HS6ST3: variants seen among roughly 807,000 people sequenced by gnomAD.
HS6ST3 encodes heparan sulfate 6-O-sulfotransferase 3, also known as heparan-sulfate 6-O-sulfotransferase 3.
HS6ST3 carries 12 observed loss-of-function variants against 36.7 expected under a neutral mutation model. The ratio of observed to expected loss-of-function variants is 0.33; its 90% CI spans 0.21 to 0.53. The LOEUF is 0.53. Among genes scored for constraint, HS6ST3 ranks in the 20% least tolerant of loss-of-function variants. The probability of loss-of-function intolerance (pLI) is 0.95; values close to 1 mark genes in which losing one functional copy is unlikely to be tolerated. For synonymous variants in HS6ST3, 240 were observed against 257.5 expected, an observed-to-expected ratio of 0.93 and a Z score of 0.65; for missense variants, 584 against 640.9, an observed-to-expected ratio of 0.91 and a Z score of 0.96.
intron 1 of HS6ST3, among the ~76,000 whole-genome samples, chr13:96,453,403 T>C (rs890673165): frequency 4.6e-5 from 7 of 152,094 alleles, no homozygotes; most frequent in Non-Finnish European, 7.4e-5. Context: ...TGTGTACACA[T>C]TGTTTGCTAT....
chr13:96,490,822 A>G (rs1302885443), intron 1 of HS6ST3, among the ~76,000 whole-genome samples: 1 of 152,208 alleles, frequency 6.6e-6, no homozygotes, highest in Non-Finnish European at 1.5e-5. Context: ...TGGTTCTATT[A>G]TTGTATTACC....
At chr13:96,245,470 C>T (rs1030385221) in intron 1 of HS6ST3, among the ~76,000 whole-genome samples, 1 of 152,158 alleles carries the variant, frequency 6.6e-6, no homozygotes, top group Non-Finnish European at 1.5e-5. Flanking sequence ...TTCATGGTGT[C>T]TACTTTCTCA....
chr13:96,331,937 A>C (rs989520210), intron 1 of HS6ST3, among the ~76,000 whole-genome samples: 3 of 152,196 alleles, frequency 2.0e-5, no homozygotes, highest in Non-Finnish European at 2.9e-5. Flanking sequence ...GGGAGTGACC[A>C]GATTTTCCAG....
intron 1 of HS6ST3, among the ~76,000 whole-genome samples, chr13:96,731,537 GTGC>G (rs2138477181): frequency 6.6e-6 from 1 of 152,210 alleles, no homozygotes; most frequent in East Asian, 1.9e-4. Context: ...CTTGTGAATA[GTGC>G]TGCAGTAAAC....
At chr13:96,138,119 A>G (rs1475943731) in intron 1 of HS6ST3, among the ~76,000 whole-genome samples, 6 of 152,206 alleles carry the variant, frequency 3.9e-5, no homozygotes, top group Non-Finnish European at 7.3e-5. Flanking sequence ...GGTTTTAGTA[A>G]ATTGAGTTTC....
chr13:96,337,364 C>T (rs776482244), intron 1 of HS6ST3, among the ~76,000 whole-genome samples: 19 of 152,202 alleles, frequency 1.2e-4, no homozygotes, highest in Admixed American at 7.9e-4. Flanking sequence ...CGTGAGCCAC[C>T]GCGCCCAGCC....
At chr13:96,476,816 T>A (rs2055866511) in intron 1 of HS6ST3, among the ~76,000 whole-genome samples, 1 of 152,152 alleles carries the variant, frequency 6.6e-6, no homozygotes. Flanking sequence ...GGGGAAAAGC[T>A]GTTATAAAAA....
intron 1 of HS6ST3, among the ~76,000 whole-genome samples, chr13:96,537,722 A>G (rs1466834085): frequency 6.6e-6 from 1 of 152,226 alleles, no homozygotes; most frequent in African/African-American, 2.4e-5. Context: ...TTTATCCTGG[A>G]TCAGTTAATT....
At chr13:96,507,545 G>T (rs1434688377) in intron 1 of HS6ST3, among the ~76,000 whole-genome samples, 1 of 151,902 alleles carries the variant, frequency 6.6e-6, no homozygotes, top group Non-Finnish European at 1.5e-5. Context: ...AAAATTAACG[G>T]GCATAGACAG....
intron 1 of HS6ST3, among the ~76,000 whole-genome samples, chr13:96,251,615 T>A (rs2054608439): frequency 6.6e-6 from 1 of 152,080 alleles, no homozygotes; most frequent in Non-Finnish European, 1.5e-5. Flanking sequence ...ATGTTGGGCT[T>A]TGTTCTTTTT....
chr13:96,504,736 CA>C (rs969103577), intron 1 of HS6ST3, among the ~76,000 whole-genome samples: 7 of 151,972 alleles, frequency 4.6e-5, no homozygotes, highest in Non-Finnish European at 8.8e-5. Context: ...TCCCCCTCTT[CA>C]GAAAATAAGT....
chr13:96,347,604 G>T (rs947309040), intron 1 of HS6ST3, among the ~76,000 whole-genome samples: 2 of 152,154 alleles, frequency 1.3e-5, no homozygotes, highest in Admixed American at 6.5e-5. Flanking sequence ...AACATTAATA[G>T]AAATTAATGA....
At chr13:96,104,609 T>C (rs1210367291) in intron 1 of HS6ST3, among the ~76,000 whole-genome samples, 1 of 152,234 alleles carries the variant, frequency 6.6e-6, no homozygotes, top group Non-Finnish European at 1.5e-5. Context: ...CTTGCTTTAG[T>C]GGGCTCTTGC....
chr13:96,561,832 A>AT (rs1229556059), intron 1 of HS6ST3, among the ~76,000 whole-genome samples: 1 of 152,210 alleles, frequency 6.6e-6, no homozygotes, highest in Admixed American at 6.5e-5. Flanking sequence ...ATGAGATACC[A>AT]TTTCACATCA....
chr13:96,350,113 A>G (rs547105062), intron 1 of HS6ST3, among the ~76,000 whole-genome samples: 3 of 152,210 alleles, frequency 2.0e-5, no homozygotes, highest in Non-Finnish European at 4.4e-5. Flanking sequence ...TTCCTTGCCC[A>G]GATTGCATAG....
intron 1 of HS6ST3, among the ~76,000 whole-genome samples, chr13:96,311,031 A>G (rs552524699): frequency 6.6e-6 from 1 of 152,302 alleles, no homozygotes; most frequent in South Asian, 2.1e-4. Flanking sequence ...TTTACCTCAG[A>G]TGCAGATAAC....
chr13:96,434,045 T>C (rs1018641337), intron 1 of HS6ST3, among the ~76,000 whole-genome samples: 17 of 152,050 alleles, frequency 1.1e-4, no homozygotes, highest in Admixed American at 1.1e-3. Flanking sequence ...GTTAAGACCA[T>C]GAGAAGAAAC....
chr13:96,423,250 C>A (rs1278320436), intron 1 of HS6ST3, among the ~76,000 whole-genome samples: 1 of 152,106 alleles, frequency 6.6e-6, no homozygotes, highest in Non-Finnish European at 1.5e-5. Flanking sequence ...CACTCAGTTA[C>A]TCAGTTTCAT....
At chr13:96,813,842 G>T (rs765590169) in intron 1 of HS6ST3, among the ~76,000 whole-genome samples, 1 of 152,148 alleles carries the variant, frequency 6.6e-6, no homozygotes, top group African/African-American at 2.4e-5. Flanking sequence ...CCATGCCAAG[G>T]TCAAACGGAT....
Sources: gnomAD v4.1 joint callset for allele counts (sites outside exome capture counted in the v4.1 genomes callset) on GRCh38, gnomAD v4.1.1 for gene constraint, MANE v1.5 for transcripts, NCBI Gene and HGNC (gene_info 2026-07-23, HGNC 2026-07-21) for gene names.